Variants in PPP6R3 observed in about 807,000 individuals in gnomAD.
PPP6R3 encodes the protein protein phosphatase 6 regulatory subunit 3, also known as serine/threonine-protein phosphatase 6 regulatory subunit 3.
Under a neutral mutation model 110.7 loss-of-function variants are expected in PPP6R3, and 38 were observed. The ratio of observed to expected loss-of-function variants is 0.34; its 90% CI spans 0.26 to 0.45. The LOEUF is 0.45. PPP6R3 is among the 20% of genes least tolerant of loss of function. The pLI, the probability that PPP6R3 is intolerant of heterozygous loss-of-function variation, is 1.00. For synonymous variants in PPP6R3, 369 were observed against 373.5 expected (o/e 0.99, Z 0.14); for missense variants, 870 against 1,062.4 (o/e 0.82, Z 2.52).
intron 6 of PPP6R3, among the ~76,000 whole-genome samples, chr11:68,552,312 A>G (rs1032458524): frequency 1.3e-5 from 2 of 152,220 alleles, no homozygotes; most frequent in African/African-American, 2.4e-5. Flanking sequence ...GGAGCTGTGC[A>G]GGAAGAGACA....
chr11:68,520,876 A>G (rs1197645657), intron 2 of PPP6R3, among the ~76,000 whole-genome samples: 1 of 151,960 alleles, frequency 6.6e-6, no homozygotes, highest in East Asian at 1.9e-4. Context: ...GGTTCAAGCG[A>G]TTATCCGGTC....
At chr11:68,466,688 C>G (rs1425395517) in intron 1 of PPP6R3, among the ~76,000 whole-genome samples, 2 of 152,180 alleles carry the variant, frequency 1.3e-5, no homozygotes, top group Non-Finnish European at 2.9e-5. Flanking sequence ...TCTCGGCTCA[C>G]TGCAAGCTCC....
At chr11:68,466,246 C>G (rs1223057086) in intron 1 of PPP6R3, among the ~76,000 whole-genome samples, 5 of 152,044 alleles carry the variant, frequency 3.3e-5, no homozygotes, top group African/African-American at 1.2e-4. Context: ...CTTCTCACCC[C>G]CTTTAGTTTT....
In PPP6R3 at chr11:68,614,865, G is replaced by T; in HGVS notation, c.*1748G>T. The T allele has an allele frequency of 2.1e-6, 2 of 973,786 alleles. No individual in the cohort carries two copies. Among genetic ancestry groups the T allele is most frequent in the Non-Finnish European group, 3.2e-6 (2 of 634,776 alleles). The allele number at this position is 973,786 out of a possible 1,614,324, so 60.3% of individuals were successfully genotyped here. A position where few individuals can be genotyped will look rare whatever the true frequency, so the allele number is the denominator to read the frequency against. On this transcript the variant is annotated 3_prime_UTR_variant, in exon 24 of 24. Transcript: ENST00000393800. ...GACTTGAATGGCGTTGGACCTCGGG[G>T]ATTACTGGTAGATAATATGCTCTGG...
chr11:68,513,202 A>G (rs1393000045), intron 1 of PPP6R3, among the ~76,000 whole-genome samples: 2 of 152,116 alleles, frequency 1.3e-5, no homozygotes, highest in Admixed American at 6.5e-5. Context: ...GGGACTTCCC[A>G]GCACCATAAT....
rs192922033 is a variant in PPP6R3, at chr11:68,467,900, G to A, written c.-158+7073G>A. ...AGCGATTCTCCTGCCTCAGCCTCCCGAGTAGCTGGGACTACAGGCGTGTGC... is the reference window on the plus strand; with the variant it reads ...AGCGATTCTCCTGCCTCAGCCTCCCAAGTAGCTGGGACTACAGGCGTGTGC... On this transcript the variant is annotated intron_variant, in intron 1 of 23. Transcript: ENST00000393800. Among the ~76,000 whole-genome samples the A allele has an allele frequency of 9.9e-5, 15 of 152,208 alleles. No homozygotes were observed. The East Asian group carries it at 1.9e-3, about 20-fold the overall frequency.
intron 1 of PPP6R3, among the ~76,000 whole-genome samples, chr11:68,517,607 G>A (rs532317859): frequency 9.9e-4 from 150 of 152,212 alleles, no homozygotes; most frequent in African/African-American, 3.2e-3. Context: ...GGCTCCCACT[G>A]GCCAAATGTG....
At chr11:68,486,869 C>T (rs981976762) in intron 1 of PPP6R3, among the ~76,000 whole-genome samples, 1 of 152,064 alleles carries the variant, frequency 6.6e-6, no homozygotes, top group African/African-American at 2.4e-5. Context: ...ACATTTTGAG[C>T]ATAGAATAGT....
chr11:68,593,498 T>C (rs1300622873), intron 18 of PPP6R3, among the ~76,000 whole-genome samples: 1 of 152,146 alleles, frequency 6.6e-6, no homozygotes, highest in Non-Finnish European at 1.5e-5. Context: ...AGATAGATTG[T>C]GATGTTAAAG....
Position 68,575,948 on chromosome 11 carries a change from C to A in PPP6R3, c.1460-10C>A, listed in dbSNP as rs758585062. ...GGTGATAATGCTTTTTTGCTTTTCT[C>A]ACTCTGAAGATCTTCCCGACGAAGT... On this transcript the variant is annotated splice_polypyrimidine_tract_variant and intron_variant, in intron 13 of 23. Transcript: ENST00000393800. 6.3e-7 allele frequency: 1 copy of A among 1,595,072 alleles called. No individual in the cohort carries two copies. Among genetic ancestry groups the A allele is most frequent in the Non-Finnish European group, 8.6e-7 (1 of 1,167,890 alleles).
chr11:68,507,795 C>T (rs960098320), intron 1 of PPP6R3, among the ~76,000 whole-genome samples: 2 of 152,120 alleles, frequency 1.3e-5, no homozygotes, highest in African/African-American at 4.8e-5. Flanking sequence ...ATGGAGAGTG[C>T]ATCTTTAGTT....
chr11:68,510,381 AG>A (rs964160007), intron 1 of PPP6R3, among the ~76,000 whole-genome samples: 1 of 152,062 alleles, frequency 6.6e-6, no homozygotes, highest in African/African-American at 2.4e-5. Context: ...TAGGTAGCCC[AG>A]GCTGGAGTGC....
At chr11:68,536,949 C>T (rs1479973704) in intron 2 of PPP6R3, among the ~76,000 whole-genome samples, 2 of 152,160 alleles carry the variant, frequency 1.3e-5, no homozygotes, top group Non-Finnish European at 2.9e-5. Context: ...AGTGAACCCT[C>T]TGTTTTATAT....
rs138889476 is a variant in PPP6R3 at position 68,502,967 on chromosome 11, G to A, written c.-157-16534G>A. Among the ~76,000 whole-genome samples the A allele has an allele frequency of 1.7e-3, 265 of 151,682 alleles. 1 individual carries two copies. The highest frequency in any genetic ancestry group is 6.1e-3 in the African/African-American group (249 of 41,062). ...ATTTTTGTTTGTTTGTTTTTGAGAC[G>A]GAGTCTCACTCTGTTGCCCAGGCTG... On this transcript the variant is annotated intron_variant, in intron 1 of 23. Transcript: ENST00000393800.
Position 68,603,395 on chromosome 11 carries a change from A to G in PPP6R3, c.2353A>G (p.Ser785Gly). The G allele has an allele frequency of 3.7e-6, 6 of 1,614,084 alleles. No individual in the cohort carries two copies. Among genetic ancestry groups the G allele is most frequent in the Non-Finnish European group, 5.1e-6 (6 of 1,180,038 alleles). Residue 785 changes from serine (S) to glycine (G), a missense_variant, in exon 22 of 24, where the codon AGT (serine) becomes GGT (glycine). Transcript: ENST00000393800. ...CTCTGACGGAGAGGAGGATGCAGAA[A>G]GTACAGACAAGGTAACTGAGACAGT... ...ASSDGEEDAE[S>G]TDKVTETVMN...
intron 16 of PPP6R3, 56 bp downstream of exon 16, chr11:68,588,080 ATGTATGTGTGATTC>A (rs2099584217): frequency 2.1e-6 from 3 of 1,430,642 alleles, no homozygotes; most frequent in Admixed American, 1.7e-5. Context: ...CTCTTGGTAG[ATGTATGTGTGATTC>A]TGCGGGATTC....
intron 1 of PPP6R3, among the ~76,000 whole-genome samples, chr11:68,475,788 T>C (rs1427809753): frequency 2.3e-5 from 3 of 131,186 alleles, no homozygotes; most frequent in Non-Finnish European, 3.3e-5. Context: ...TCAGACGGGG[T>C]GGCTGCCGGG....
chr11:68,506,412 C>A (rs1329525840), intron 1 of PPP6R3, among the ~76,000 whole-genome samples: 3 of 28,480 alleles, frequency 1.1e-4, no homozygotes, highest in African/African-American at 3.7e-4. Context: ...GCCCTTTATA[C>A]TCAAAAAAAA....
At chr11:68,486,739 C>G (rs890608225) in intron 1 of PPP6R3, among the ~76,000 whole-genome samples, 2 of 151,316 alleles carry the variant, frequency 1.3e-5, no homozygotes, top group Non-Finnish European at 2.9e-5. Context: ...CTAGTGCTTT[C>G]TATTTTAGAA....
Sources: gnomAD v4.1 joint callset for allele counts (sites outside exome capture counted in the v4.1 genomes callset) on GRCh38, gnomAD v4.1.1 for gene constraint, MANE v1.5 for transcripts, NCBI Gene and HGNC (gene_info 2026-07-23, HGNC 2026-07-21) for gene names.